Variants in GRID2 observed in about 807,000 individuals in gnomAD.
GRID2 encodes glutamate ionotropic receptor delta type subunit 2, also known as glutamate receptor ionotropic, delta-2.
A neutral mutation model predicts 114.8 loss-of-function variants in GRID2; 33 were observed. The ratio of observed to expected loss-of-function variants is 0.29; its 90% CI spans 0.22 to 0.38. The LOEUF (loss-of-function observed/expected upper bound fraction) is 0.38. GRID2 is among the 10% of genes least tolerant of loss of function. The probability of loss-of-function intolerance (pLI) is 1.00; values close to 1 mark genes in which losing one functional copy is unlikely to be tolerated. For synonymous variants in GRID2, 505 were observed against 449.9 expected (o/e 1.12, Z -1.55); for missense variants, 1,184 against 1,257.7 (o/e 0.94, Z 0.89).
chr4:93,204,937 C>T (rs1424382292), intron 4 of GRID2, among the ~76,000 whole-genome samples: 8 of 152,074 alleles, frequency 5.3e-5, no homozygotes, highest in Non-Finnish European at 2.9e-5. Flanking sequence ...ATCCATGCTG[C>T]CTATCTATTG....
chr4:93,283,046 C>A (rs1239801412), intron 8 of GRID2, among the ~76,000 whole-genome samples: 1 of 152,042 alleles, frequency 6.6e-6, no homozygotes, highest in Non-Finnish European at 1.5e-5. Flanking sequence ...CCATCTCCAA[C>A]ATTGGGAATC....
At chr4:93,803,695 C>A (rs945180033) in intron 1 of GRID2, among the ~76,000 whole-genome samples, 5 of 152,060 alleles carry the variant, frequency 3.3e-5, no homozygotes, top group Non-Finnish European at 1.5e-5. Context: ...GCACACCAGC[C>A]CGGGCAACAG....
intron 14 of GRID2, among the ~76,000 whole-genome samples, chr4:93,755,357 G>T (rs2110294350): frequency 6.6e-6 from 1 of 152,272 alleles, no homozygotes; most frequent in East Asian, 1.9e-4. Context: ...ACTAAATTGT[G>T]AAGTAGAGCA....
At chr4:92,614,943 G>GC (rs1035146319) in intron 2 of GRID2, among the ~76,000 whole-genome samples, 1 of 139,988 alleles carries the variant, frequency 7.1e-6, no homozygotes, top group African/African-American at 2.6e-5. Flanking sequence ...ACTTTGCTAT[G>GC]TTTTTTTTTT....
At chr4:92,305,825 C>G (rs1393672391) in intron 1 of GRID2, among the ~76,000 whole-genome samples, 1 of 152,164 alleles carries the variant, frequency 6.6e-6, no homozygotes, top group African/African-American at 2.4e-5. Flanking sequence ...TGCGTTAATG[C>G]GACGATTTCT....
intron 2 of GRID2, among the ~76,000 whole-genome samples, chr4:92,968,258 C>A (rs1325641922): frequency 7.2e-5 from 11 of 151,822 alleles, no homozygotes; most frequent in Admixed American, 7.2e-4. Context: ...TACAGATTAA[C>A]AAACATAAGT....
chr4:92,912,524 T>C (rs1748469852), intron 2 of GRID2, among the ~76,000 whole-genome samples: 1 of 151,896 alleles, frequency 6.6e-6, no homozygotes, highest in African/African-American at 2.4e-5. Flanking sequence ...AAAGATACCT[T>C]ATTCCATAAT....
At chr4:92,605,564 AGAT>A (rs1040877061) in intron 2 of GRID2, among the ~76,000 whole-genome samples, 8 of 152,092 alleles carry the variant, frequency 5.3e-5, no homozygotes, top group African/African-American at 1.2e-4. Context: ...ATTTTTTATA[AGAT>A]GATGATGATG....
chr4:93,738,131 T>C (rs1731076726), intron 14 of GRID2, among the ~76,000 whole-genome samples: 1 of 152,086 alleles, frequency 6.6e-6, no homozygotes. Flanking sequence ...AAAGCTATTC[T>C]AGACAGAGGA....
intron 8 of GRID2, among the ~76,000 whole-genome samples, chr4:93,288,890 C>G (rs1753451211): frequency 6.6e-6 from 1 of 152,144 alleles, no homozygotes; most frequent in Non-Finnish European, 1.5e-5. Flanking sequence ...TAGTTTCACT[C>G]TCTTGAAATA....
intron 2 of GRID2, among the ~76,000 whole-genome samples, chr4:92,635,662 T>C (rs183330569): frequency 6.6e-6 from 1 of 152,218 alleles, no homozygotes; most frequent in East Asian, 1.9e-4. Context: ...TAAAAATCCT[T>C]ACAAAAATAT....
chr4:93,153,851 G>A (rs1381840931), intron 4 of GRID2, among the ~76,000 whole-genome samples: 3 of 151,716 alleles, frequency 2.0e-5, no homozygotes, highest in Non-Finnish European at 4.4e-5. Context: ...TTTTATTTTG[G>A]TAAGAACACA....
At chr4:93,648,582 A>T (rs564293536) in intron 14 of GRID2, among the ~76,000 whole-genome samples, 1 of 152,266 alleles carries the variant, frequency 6.6e-6, no homozygotes, top group Non-Finnish European at 1.5e-5. Flanking sequence ...GTGTTTCCTC[A>T]CTCTAACACA....
At chr4:92,840,276 C>G (rs1742787083) in intron 2 of GRID2, among the ~76,000 whole-genome samples, 1 of 151,848 alleles carries the variant, frequency 6.6e-6, no homozygotes, top group African/African-American at 2.4e-5. Flanking sequence ...TCCATTCAAC[C>G]AGTCTCAGTT....
chr4:92,613,235 A>G (rs1729841478), intron 2 of GRID2, among the ~76,000 whole-genome samples: 1 of 151,278 alleles, frequency 6.6e-6, no homozygotes, highest in Admixed American at 6.6e-5. Flanking sequence ...ATTGATTTTC[A>G]GATGTTCAGC....
chr4:93,711,539 C>T (rs766961494), intron 14 of GRID2, among the ~76,000 whole-genome samples: 4 of 152,144 alleles, frequency 2.6e-5, no homozygotes, highest in East Asian at 1.9e-4. Context: ...CTTCAGCCCA[C>T]GGTGGTGGGG....
At position 93,583,332 on chromosome 4, in the gene GRID2, G is replaced by T. The variant is rs114696694; in HGVS notation, c.2194-42937G>T. ...CTTTATAATTAACTTTCTAGTTTGTGTTACACTTCTCTTTGCTTAAAAAAT... is the reference window on the plus strand; with the variant it reads ...CTTTATAATTAACTTTCTAGTTTGTTTTACACTTCTCTTTGCTTAAAAAAT... On this transcript the variant is annotated intron_variant, in intron 13 of 15. Coordinates refer to ENST00000282020, the MANE Select transcript of GRID2 (RefSeq NM_001510.4). Among the ~76,000 whole-genome samples the T allele has an allele frequency of 3.9e-3, 591 of 152,176 alleles. 2 individuals are homozygous for T. Among genetic ancestry groups the T allele is most frequent in the African/African-American group, 0.014 (567 of 41,548 alleles).
At chr4:92,937,576 T>G (rs2149529752) in intron 2 of GRID2, among the ~76,000 whole-genome samples, 1 of 146,828 alleles carries the variant, frequency 6.8e-6, no homozygotes, top group Admixed American at 7.4e-5. Context: ...TATTTATATT[T>G]ATGTCAGTAT....
intron 12 of GRID2, among the ~76,000 whole-genome samples, chr4:93,505,422 T>C (rs1728533103): frequency 6.6e-6 from 1 of 151,830 alleles, no homozygotes; most frequent in Admixed American, 6.6e-5. Context: ...AAATTTAGGA[T>C]AATTTTGTAT....
Sources: allele counts gnomAD v4.1 joint callset (sites outside exome capture counted in the v4.1 genomes callset), GRCh38; gene constraint gnomAD v4.1.1; transcripts MANE v1.5; gene names NCBI Gene and HGNC (gene_info 2026-07-23, HGNC 2026-07-21).